Variants in UPRT observed in about 807,000 individuals in gnomAD.
The protein encoded by UPRT is RP11-311P8.3.
Under a neutral mutation model 22.6 loss-of-function variants are expected in UPRT, and 5 were observed. That is an observed-to-expected ratio of 0.22 (90% confidence interval 0.12 to 0.47). The LOEUF is 0.47. Ranked by LOEUF, UPRT falls within the 20% of genes least tolerant of loss-of-function variation. The pLI is 0.99. For synonymous variants in UPRT, 77 were observed against 87.7 expected (o/e 0.88, Z 0.68); for missense variants, 181 against 239.9 (o/e 0.75, Z 1.62).
At chrX:75,272,301 T>TATATATATATATGTATATATATATACAC (rs1569279382), upstream of UPRT, among the ~76,000 whole-genome samples, 27 of 16,001 alleles carry the variant, frequency 1.7e-3, 1 homozygote, top group Admixed American at 2.8e-3. Flanking sequence ...TATATATGTG[T>TATATATATATATGTATATATATATACAC]ATATATATGT....
chrX:75,282,962 A>T (rs1203158632), intron 1 of UPRT, among the ~76,000 whole-genome samples: 1 of 111,802 alleles, frequency 8.9e-6, no homozygotes. Flanking sequence ...GTCCTATGTT[A>T]GGTGCATATA....
In UPRT at chrX:75,246,562, CAT is replaced by C. The variant is rs1157766088; in HGVS notation, c.-446-44459_-446-44458del. Among the ~76,000 whole-genome samples, 5 of 111,082 alleles carry C rather than the reference CAT, an allele frequency of 4.5e-5. No homozygotes were observed. In the East Asian group the frequency reaches 1.4e-3, roughly 32 times the overall value. ...CTATTGTGAATAGTGCTGCAATAAA[CAT>C]ATGTGTGCATGTGTCTTTATAGCAG... On this transcript the variant is annotated intron_variant, in intron 4 of 13. Coordinates refer to the UPRT transcript ENST00000652605.
At chrX:75,252,975 A>G (rs2082536694) in intron 4 of UPRT, among the ~76,000 whole-genome samples, 1 of 111,352 alleles carries the variant, frequency 9.0e-6, no homozygotes, top group Non-Finnish European at 1.9e-5. Context: ...TGTCACTCAT[A>G]GGTGAGAATT....
At chrX:75,192,376 C>T (rs2082318553) in intron 4 of UPRT, among the ~76,000 whole-genome samples, 1 of 110,337 alleles carries the variant, frequency 9.1e-6, no homozygotes, top group Non-Finnish European at 1.9e-5. Context: ...TGTTTTATTC[C>T]TAACTGTATT....
intron 4 of UPRT, among the ~76,000 whole-genome samples, chrX:75,252,863 TA>T (rs1336196044): frequency 9.8e-5 from 11 of 112,241 alleles, no homozygotes; most frequent in Non-Finnish European, 1.7e-4. Flanking sequence ...TATGCAGCCA[TA>T]AAAAATGATG....
Position 75,250,026 on chromosome X carries a change from C to A in UPRT, c.-446-40998C>A, listed in dbSNP as rs186224512. The stretch of plus-strand genomic sequence containing the variant: ...TTTGAAAGCAAAGAGAACAAAGACA[C>A]AACATACCAGAATCTCTGGGACACA... On this transcript the variant is annotated intron_variant, in intron 4 of 13. Transcript: ENST00000652605. 4.6e-3 allele frequency among the ~76,000 whole-genome samples: 512 copies of A among 111,826 alleles called. 1 individual carries two copies. The highest frequency in any genetic ancestry group is 0.016 in the African/African-American group (496 of 30,789).
At chrX:75,253,920 C>A (rs2082540627) in intron 4 of UPRT, among the ~76,000 whole-genome samples, 1 of 111,538 alleles carries the variant, frequency 9.0e-6, no homozygotes, top group Non-Finnish European at 1.9e-5. Context: ...CCTGTGAGCT[C>A]CCTGGGTAAA....
Position 75,280,510 on chromosome X carries a change from A to C in UPRT, c.386+5870A>C, listed in dbSNP as rs528873924. 6.3e-5 allele frequency among the ~76,000 whole-genome samples: 7 copies of C among 111,713 alleles called. No individual in the cohort carries two copies. In the East Asian group the frequency reaches 8.4e-4, roughly 13 times the overall value. ...ATGTGGTTAGCCAATTATCCCAGCA[A>C]CATTAGTTGAAAAGGGTGTCCTTTC... On this transcript the variant is annotated intron_variant, in intron 1 of 6. Transcript: ENST00000373383.
intron 2 of UPRT, among the ~76,000 whole-genome samples, chrX:75,161,214 A>C (rs925211189): frequency 8.9e-6 from 1 of 112,313 alleles, no homozygotes; most frequent in Admixed American, 9.4e-5. Flanking sequence ...CAACGCACAT[A>C]AAGAGTGGTT....
chrX:75,260,320 A>C (rs1267624950), intron 4 of UPRT, among the ~76,000 whole-genome samples: 1 of 112,489 alleles, frequency 8.9e-6, no homozygotes, highest in Non-Finnish European at 1.9e-5. Flanking sequence ...AAATTGGATA[A>C]AGAGTCAAGA....
At chrX:75,191,291 G>T (rs1180747553) in intron 4 of UPRT, among the ~76,000 whole-genome samples, 1 of 112,230 alleles carries the variant, frequency 8.9e-6, no homozygotes, top group East Asian at 2.8e-4. Context: ...TGCAGAACGC[G>T]AATATTGCTG....
At position 75,248,035 on chromosome X, in the gene UPRT, A is replaced by T. The variant is rs141524382; in HGVS notation, c.-446-42989A>T. 2.2e-3 allele frequency among the ~76,000 whole-genome samples: 246 copies of T among 112,133 alleles called. 1 individual carries two copies. Among genetic ancestry groups the T allele is most frequent in the Non-Finnish European group, 2.4e-3 (130 of 53,268 alleles). Reference sequence around the variant, plus strand: ...GTTAGAAGCAAAACTAACAAACAGAAAGGACATCCACACCAAAAACCCAAC... The same window carrying T: ...GTTAGAAGCAAAACTAACAAACAGATAGGACATCCACACCAAAAACCCAAC... On this transcript the variant is annotated intron_variant, in intron 4 of 13. Transcript: ENST00000652605.
intron 4 of UPRT, among the ~76,000 whole-genome samples, chrX:75,239,454 T>TAAA (rs755359565): frequency 9.1e-6 from 1 of 110,473 alleles, no homozygotes; most frequent in Non-Finnish European, 1.9e-5. Context: ...GAAACAGTAA[T>TAAA]AAAAAAAATT....
intron 2 of UPRT, among the ~76,000 whole-genome samples, chrX:75,162,895 G>A (rs1346349694): frequency 1.8e-5 from 2 of 111,678 alleles, no homozygotes; most frequent in Non-Finnish European, 3.8e-5. Context: ...ATGATGTCGT[G>A]TTGATTTCAT....
intron 2 of UPRT, among the ~76,000 whole-genome samples, chrX:75,163,052 C>T (rs1673635508): frequency 8.9e-6 from 1 of 111,945 alleles, no homozygotes; most frequent in Non-Finnish European, 1.9e-5. Context: ...AAGATATCAG[C>T]CAGGGCTGCA....
intron 4 of UPRT, among the ~76,000 whole-genome samples, chrX:75,226,237 T>C (rs1008533938): frequency 1.5e-4 from 17 of 111,426 alleles, no homozygotes; most frequent in African/African-American, 4.6e-4. Flanking sequence ...CAAGCCACTA[T>C]TATCTCTCCT....
intron 4 of UPRT, among the ~76,000 whole-genome samples, chrX:75,217,264 T>C (rs2082395977): frequency 9.0e-6 from 1 of 110,752 alleles, no homozygotes; most frequent in Admixed American, 9.6e-5. Context: ...GTTCTTTTGG[T>C]TTAGGATTGA....
In UPRT at chrX:75,274,559, T is replaced by A. The variant is rs773561448; in HGVS notation, c.305T>A (p.Leu102His). 4.6e-5 allele frequency: 56 copies of A among 1,209,024 alleles called. No individual in the cohort carries two copies. The highest frequency in any genetic ancestry group is 6.0e-5 in the Non-Finnish European group (54 of 894,886). The change falls in exon 1 of 7, where the codon CTC becomes CAC. Residue 102 changes from leucine (L) to histidine (H), a missense_variant. By Grantham distance (99) the Leu-to-His change is moderately conservative. Transcript: ENST00000373383. ...AGNSFLEDCE[L>H]SRQIGAQLKL... ...AACTCCTTCCTAGAGGACTGCGAAC[T>A]CTCCCGGCAGATCGGGGCGCAGCTT...
At chrX:75,212,624 A>C (rs763413729) in intron 4 of UPRT, among the ~76,000 whole-genome samples, 8 of 111,992 alleles carry the variant, frequency 7.1e-5, no homozygotes, top group Non-Finnish European at 1.3e-4. Flanking sequence ...AAAGAATGAG[A>C]TCATGTCCTT....
Sources: allele counts gnomAD v4.1 joint callset (sites outside exome capture counted in the v4.1 genomes callset), GRCh38; gene constraint gnomAD v4.1.1; transcripts MANE v1.5; gene names NCBI Gene and HGNC (gene_info 2026-07-23, HGNC 2026-07-21).